UBA6: variants seen among roughly 807,000 people sequenced by gnomAD.
UBA6 encodes ubiquitin-like modifier-activating enzyme 6.
UBA6 carries 87 observed loss-of-function variants against 148.3 expected under a neutral mutation model. That is an observed-to-expected ratio of 0.59 (90% CI 0.49 to 0.70). The LOEUF is 0.70. Ranked by LOEUF, UBA6 falls within the 30% of genes least tolerant of loss-of-function variation. The pLI is 0.00. For synonymous variants in UBA6, 376 were observed against 401.0 expected (o/e 0.94, Z 0.75); for missense variants, 1,186 against 1,241.2 (o/e 0.96, Z 0.67).
rs575121923 is a variant in UBA6, at chr4:67,631,256, G to C, written c.2258+452C>G. ...AAAATATACATATACACACAAGTGT[G>C]AATCTAATGTGTATCTAATATAGTG... On this transcript the variant is annotated intron_variant, in intron 25 of 32. Transcript: ENST00000322244. 3.9e-5 allele frequency among the ~76,000 whole-genome samples: 6 copies of C among 152,254 alleles called. No individual in the cohort carries two copies. In the East Asian group the frequency reaches 1.2e-3, roughly 29 times the overall value.
At position 67,643,879 on chromosome 4, in the gene UBA6, T is replaced by C. The variant is rs1163439358; in HGVS notation, c.1476+819A>G. On this transcript the variant is annotated intron_variant, in intron 17 of 32. Transcript: ENST00000322244. ...TAAAGCATTTAGGTGATTCCTAAAC[T>C]GATGTAACCAAAGACTTTCTTCTTT... 3.3e-5 allele frequency among the ~76,000 whole-genome samples: 5 copies of C among 152,236 alleles called. No individual in the cohort carries two copies. In the East Asian group the frequency reaches 9.6e-4, roughly 29 times the overall value.
chr4:67,700,928 C>A, intron 1 of UBA6, 121 bp downstream of exon 1: 1 of 1,245,568 alleles, frequency 8.0e-7, no homozygotes, highest in Non-Finnish European at 1.1e-6. Context: ...CCTCCCAGGG[C>A]CGGCTCTGCT....
intron 14 of UBA6, among the ~76,000 whole-genome samples, chr4:67,648,085 T>G (rs1729463954): frequency 6.6e-6 from 1 of 151,896 alleles, no homozygotes; most frequent in African/African-American, 2.4e-5. Context: ...ACGGTCATCT[T>G]TAAACCAGAT....
At chr4:67,636,325 AT>A (rs938201965) in intron 19 of UBA6, among the ~76,000 whole-genome samples, 14 of 152,344 alleles carry the variant, frequency 9.2e-5, no homozygotes, top group South Asian at 8.3e-4. Flanking sequence ...TTAATTTAGA[AT>A]TTGGGGGAAA....
intron 6 of UBA6, among the ~76,000 whole-genome samples, chr4:67,675,766 G>GGAAAGGAAAA (rs149106764): frequency 6.6e-6 from 1 of 150,440 alleles, no homozygotes; most frequent in African/African-American, 2.4e-5. Flanking sequence ...AAAGAAGAAA[G>GGAAAGGAAAA]GAAAGGAAAA....
chr4:67,675,568 T>C (rs1419464879), intron 6 of UBA6, among the ~76,000 whole-genome samples: 6 of 151,926 alleles, frequency 3.9e-5, no homozygotes, highest in Admixed American at 3.9e-4. Flanking sequence ...CCATCTCTAC[T>C]AAAAATATAA....
chr4:67,681,510 G>C (rs1182870391), intron 4 of UBA6, 53 bp downstream of exon 4: 1 of 1,249,658 alleles, frequency 8.0e-7, no homozygotes, highest in Non-Finnish European at 1.1e-6. Context: ...CATAACAAAT[G>C]AGCCAAAAAA....
In UBA6 at chr4:67,670,507, T is replaced by C; in HGVS notation, c.632A>G (p.Glu211Gly). The C allele has an allele frequency of 6.3e-7, 1 of 1,595,762 alleles. No homozygotes were observed. The highest frequency in any genetic ancestry group is 8.6e-7 in the Non-Finnish European group (1 of 1,164,004). Residue 211 changes from glutamate to glycine, a missense_variant, in exon 8 of 33, where the codon GAA (glutamate) becomes GGA (glycine). Physicochemically the swap from Glu to Gly is moderately conservative, Grantham distance 98. Transcript: ENST00000322244. ...DEFEVLDTTG[E>G]EPKEIFISNI... ...TGAAATGAAAATTTCTTTTGGTTCT[T>C]CTCCTGTTGTATCTAAAACTTCAAA...
Position 67,630,512 on chromosome 4 carries a change from G to A in UBA6, c.2282C>T (p.Ala761Val). 6.3e-7 allele frequency: 1 copy of A among 1,585,910 alleles called. No homozygotes were observed. Among genetic ancestry groups the A allele is most frequent in the Non-Finnish European group, 8.6e-7 (1 of 1,166,394 alleles). The change falls in exon 26 of 33, where the codon GCT becomes GTT. Residue 761 changes from alanine to valine, a missense_variant. Physicochemically the swap from Ala to Val is moderately conservative, Grantham distance 64. Transcript: ENST00000322244. Reference protein sequence around the residue: ...EPLHLSFLQNAAKLYATVYCI... With the variant: ...EPLHLSFLQNVAKLYATVYCI... Reference sequence around the variant, plus strand: ...ATATACTGTAGCATATAGTTTTGCAGCATTCTGAAGGAAACTGAGGTGCCT... The same window carrying A: ...ATATACTGTAGCATATAGTTTTGCAACATTCTGAAGGAAACTGAGGTGCCT...
Position 67,616,506 on chromosome 4 carries a change from A to G in UBA6, c.*2491T>C, listed in dbSNP as rs1728629842. ...TATGAGGAACTTATGGACAAGTAAC[A>G]GAACTGCTTTGAACTCTAAAAAGAA... On this transcript the variant is annotated 3_prime_UTR_variant, in exon 33 of 33. Transcript: ENST00000322244. 5.5e-6 allele frequency: 1 copy of G among 180,910 alleles called. No individual in the cohort carries two copies. Among genetic ancestry groups the G allele is most frequent in the Non-Finnish European group, 1.1e-5 (1 of 87,082 alleles). The allele number at this position is 180,910 out of a possible 1,614,324, so 11.2% of individuals were successfully genotyped here.
chr4:67,634,176 T>C, intron 22 of UBA6, 66 bp downstream of exon 22: 1 of 1,102,742 alleles, frequency 9.1e-7, no homozygotes. Flanking sequence ...CACTTGTAGA[T>C]GACTTGAAAA....
At chr4:67,634,095 C>G in intron 22 of UBA6, 147 bp downstream of exon 22, 1 of 545,352 alleles carries the variant, frequency 1.8e-6, no homozygotes, top group Non-Finnish European at 3.1e-6. Flanking sequence ...AATTTGTGAC[C>G]TAATTTCAAG....
intron 13 of UBA6, among the ~76,000 whole-genome samples, chr4:67,651,890 T>A (rs2109922413): frequency 6.6e-6 from 1 of 152,252 alleles, no homozygotes; most frequent in African/African-American, 2.4e-5. Flanking sequence ...CACAAAAAAA[T>A]TAACTTTCAT....
chr4:67,629,256 G>A (rs1728942003), intron 26 of UBA6, 114 bp from the exon 27 acceptor site: 1 of 679,064 alleles, frequency 1.5e-6, no homozygotes, highest in Non-Finnish European at 2.6e-6. Context: ...TTCATTATCT[G>A]AATATGTAGA....
chr4:67,659,962 C>T (rs1249888988), intron 13 of UBA6, among the ~76,000 whole-genome samples: 1 of 152,102 alleles, frequency 6.6e-6, no homozygotes, highest in African/African-American at 2.4e-5. Flanking sequence ...TGGCATTTTG[C>T]CCCTGCCCTA....
chr4:67,650,493 T>C (rs1729528095), intron 13 of UBA6, among the ~76,000 whole-genome samples: 1 of 152,136 alleles, frequency 6.6e-6, no homozygotes, highest in Non-Finnish European at 1.5e-5. Flanking sequence ...CGGCAGCCTA[T>C]AGCTAAATTT....
At chr4:67,630,937 A>G (rs1370011040) in intron 25 of UBA6, among the ~76,000 whole-genome samples, 1 of 152,222 alleles carries the variant, frequency 6.6e-6, no homozygotes, top group Non-Finnish European at 1.5e-5. Flanking sequence ...ACAAAAAAAG[A>G]AAGTCTTATA....
intron 10 of UBA6, 60 bp from the exon 11 acceptor site, chr4:67,664,007 A>C (rs1729928901): frequency 7.4e-7 from 1 of 1,359,072 alleles, no homozygotes. Flanking sequence ...GACAAAATAT[A>C]CTGTTACATG....
At chr4:67,658,483 A>C (rs1451082904) in intron 13 of UBA6, among the ~76,000 whole-genome samples, 1 of 152,196 alleles carries the variant, frequency 6.6e-6, no homozygotes, top group African/African-American at 2.4e-5. Context: ...CTCACTTAGA[A>C]GTGGAAGCTA....
Sources: gnomAD v4.1 joint callset for allele counts (sites outside exome capture counted in the v4.1 genomes callset) on GRCh38, gnomAD v4.1.1 for gene constraint, MANE v1.5 for transcripts, NCBI Gene and HGNC (gene_info 2026-07-23, HGNC 2026-07-21) for gene names.